The following PSMD2 variants were observed in gnomAD, a reference collection of about 807,000 sequenced individuals.
PSMD2 encodes the protein proteasome 26S subunit ubiquitin receptor, non-ATPase 2.
A neutral mutation model predicts 101.5 loss-of-function variants in PSMD2; 8 were observed. The observed-to-expected ratio is 0.08, with a 90% CI of 0.05 to 0.14. PSMD2 has a LOEUF of 0.14. Ranked by LOEUF, PSMD2 falls within the 10% of genes least tolerant of loss-of-function variation. The pLI is 1.00. For synonymous variants in PSMD2, 418 were observed against 433.8 expected (o/e 0.96, Z 0.45); for missense variants, 784 against 1,147.4 (o/e 0.68, Z 4.58).
rs1280889124 is a variant in PSMD2 at position 184,305,880 on chromosome 3, A to C, written c.1652A>C (p.Lys551Thr). The stretch of plus-strand genomic sequence containing the variant: ...ATGGAGAAGTCAGAGACTGAGCTCA[A>C]GGATACTTATGCTCGTTGGCTTCCT... ...TIMEKSETELKDTYARWLPLG... is the reference protein window; with the variant it reads ...TIMEKSETELTDTYARWLPLG... The change falls in exon 13 of 21, where the codon AAG becomes ACG. Residue 551 changes from lysine to threonine, a missense_variant. Physicochemically the swap from Lys to Thr is moderately conservative, Grantham distance 78. Coordinates refer to ENST00000310118, the MANE Select transcript of PSMD2 (RefSeq NM_002808.5). 3 of 1,614,226 alleles carry C rather than the reference A, an allele frequency of 1.9e-6. No homozygotes were observed. The highest frequency in any genetic ancestry group is 2.5e-6 in the Non-Finnish European group (3 of 1,180,044).
intron 14 of PSMD2, 42 bp from the exon 15 acceptor site, chr3:184,306,308 A>G (rs367584787): frequency 8.1e-6 from 13 of 1,602,474 alleles, no homozygotes; most frequent in African/African-American, 1.4e-5. Flanking sequence ...TTCCTTGGTA[A>G]CTTCTCATTT....
chr3:184,301,697 A>G lies in PSMD2; in HGVS notation c.479+39A>G. On this transcript the variant is annotated intron_variant, in intron 4 of 20. Transcript: ENST00000310118. Reference sequence around the variant, plus strand: ...TCTTGGGAATCCGAAGGGGGCTCTGAGGCTCTGAGATAATTCAGAATTTTC... The same window carrying G: ...TCTTGGGAATCCGAAGGGGGCTCTGGGGCTCTGAGATAATTCAGAATTTTC... The G allele has an allele frequency of 1.9e-6, 3 of 1,612,774 alleles. No homozygotes were observed. In the South Asian group the frequency reaches 3.3e-5, roughly 18 times the overall value.
At chr3:184,300,584 A>G (rs1353596060) in intron 3 of PSMD2, 140 bp downstream of exon 3, 4 of 1,438,244 alleles carry the variant, frequency 2.8e-6, no homozygotes, top group Non-Finnish European at 3.6e-6. Context: ...CACAGTCAAA[A>G]TATCTACAGA....
intron 13 of PSMD2, 32 bp from the exon 14 acceptor site, chr3:184,306,022 G>C (rs1380702791): frequency 6.2e-7 from 1 of 1,613,906 alleles, no homozygotes; most frequent in East Asian, 2.2e-5. Context: ...ATGGAGGCAA[G>C]TATCCTCTGA....
rs754936889 is a variant in PSMD2 at position 184,308,740 on chromosome 3, G to A, written c.2577G>A (p.Pro859=). 6.2e-6 allele frequency: 10 copies of A among 1,614,070 alleles called. No individual in the cohort carries two copies. Among genetic ancestry groups the A allele is most frequent in the Non-Finnish European group, 7.6e-6 (9 of 1,179,924 alleles). ...ATGTGGTGGGCCAGGCTGGCAAGCC[G>A]AAGACTATCACAGGGTTCCAGACGC... The part of the protein sequence containing the change: ...AVDVVGQAGK[P]KTITGFQTHT... Residue 859 remains proline, a synonymous_variant, in exon 21 of 21, where the codon CCG becomes CCA. Coordinates refer to ENST00000310118, the MANE Select transcript of PSMD2 (RefSeq NM_002808.5). This position sits in a 1 kb window ranked among gnomAD's most constrained non-coding sequence, Gnocchi z 6.0.
Position 184,305,779 on chromosome 3 carries a change from C to T in PSMD2, c.1551C>T (p.Val517=). ...DSKSSMEVAG[V]TALACGMIAV... ...TTTCCTACCTCTAGGTGGCAGGTGT[C>T]ACAGCTTTAGCCTGTGGAATGATAG... The change falls in exon 13 of 21, where the codon GTC becomes GTT. Residue 517 remains valine (V), a synonymous_variant. Coordinates refer to ENST00000310118, the MANE Select transcript of PSMD2 (RefSeq NM_002808.5). 6.2e-7 allele frequency: 1 copy of T among 1,613,580 alleles called. No homozygotes were observed. The highest frequency in any genetic ancestry group is 1.1e-5 in the South Asian group (1 of 91,006).
chr3:184,306,963 C>G, intron 16 of PSMD2, 129 bp downstream of exon 16: 2 of 793,602 alleles, frequency 2.5e-6, no homozygotes, highest in Non-Finnish European at 2.0e-6. Context: ...TTTCTTTTTT[C>G]TTTTCTTTTT....
rs762409694 is a variant in PSMD2 at position 184,308,828 on chromosome 3, C to T, written c.2665C>T (p.Pro889Ser). Residue 889 changes from proline to serine, a missense_variant, in exon 21 of 21, where the codon CCT becomes TCT. Pro to Ser is a moderately conservative substitution (Grantham distance 74). Around this residue, in one of 6 missense-constraint regions of PSMD2, gnomAD observed 33 missense variants for 38.2 expected, o/e 0.86. Coordinates refer to ENST00000310118, the MANE Select transcript of PSMD2 (RefSeq NM_002808.5). This position sits in a 1 kb window ranked among gnomAD's most constrained non-coding sequence, Gnocchi z 6.0. Reference sequence around the variant, plus strand: ...AGAATTGGCCACTGAGGAGTTTCTTCCTGTTACCCCCATTCTGGAAGGTTT... The same window carrying T: ...AGAATTGGCCACTGAGGAGTTTCTTTCTGTTACCCCCATTCTGGAAGGTTT... The part of the protein sequence containing the change: ...RAELATEEFL[P>S]VTPILEGFVI... The T allele has an allele frequency of 6.8e-6, 11 of 1,613,188 alleles. No individual in the cohort carries two copies. Among genetic ancestry groups the T allele is most frequent in the African/African-American group, 4.0e-5 (3 of 74,988 alleles).
chr3:184,304,166 T>A lies in PSMD2; in HGVS notation c.1451+92T>A, dbSNP rs767128507. Reference sequence around the variant, plus strand: ...CCTTTTCACCCATATTGCCAAGGGCTACCACTGTGCCTATTGGGTATCTGG... The same window carrying A: ...CCTTTTCACCCATATTGCCAAGGGCAACCACTGTGCCTATTGGGTATCTGG... On this transcript the variant is annotated intron_variant, in intron 11 of 20. Transcript: ENST00000310118. The surrounding 1 kb of genome is among the most constrained non-coding windows in gnomAD (Gnocchi z 4.1). 8.3e-6 allele frequency: 13 copies of A among 1,566,894 alleles called. No homozygotes were observed. The highest frequency in any genetic ancestry group is 1.1e-5 in the Non-Finnish European group (13 of 1,138,100).
chr3:184,304,895 GA>G lies in PSMD2; in HGVS notation c.1539+514del, dbSNP rs202191666. ...ACAGAGTGAGACCCTGTCTTTAAAA[GA>G]AAAAAAAAATTAACATTTTAGTGTT... On this transcript the variant is annotated intron_variant, in intron 12 of 20. Transcript: ENST00000310118. The surrounding 1 kb of genome is among the most constrained non-coding windows in gnomAD (Gnocchi z 4.1). Among the ~76,000 whole-genome samples the G allele has an allele frequency of 8.7e-5, 13 of 149,024 alleles. No individual in the cohort carries two copies. Among genetic ancestry groups the G allele is most frequent in the South Asian group, 4.2e-4 (2 of 4,728 alleles).
In PSMD2 at chr3:184,303,456, C is replaced by T. The variant is rs777032241; in HGVS notation, c.1206C>T (p.Asn402=). Residue 402 remains asparagine (N), a synonymous_variant, in exon 9 of 21, where the codon AAC becomes AAT. Coordinates refer to ENST00000310118, the MANE Select transcript of PSMD2 (RefSeq NM_002808.5). ...TDDGNKWLYK[N]KDHGMLSAAA... is the part of the protein sequence containing the mutation. ...ATGGCAACAAATGGCTTTACAAGAA[C>T]AAGGACCACGGTATAATTCTGTTCC... 8 of 1,613,968 alleles carry T rather than the reference C, an allele frequency of 5.0e-6. No individual in the cohort carries two copies. The Admixed American group carries it at 1.3e-4, about 27-fold the overall frequency.
chr3:184,299,548 C>T, intron 1 of PSMD2, 147 bp downstream of exon 1: 7 of 1,107,990 alleles, frequency 6.3e-6, no homozygotes, highest in Non-Finnish European at 8.4e-6. Flanking sequence ...CACCTTGCCT[C>T]TCTGCTCCTC....
rs765806900 is a variant in PSMD2 at position 184,303,326 on chromosome 3, G to C, written c.1076G>C (p.Gly359Ala). ...CCTCTCCCTCCTGTTGCAGGGTTTG[G>C]GGGCAGTGGCTCTCAGGTGGACTCT... ...YKTHLENNRF[G>A]GSGSQVDSAR... Residue 359 changes from glycine (G) to alanine (A), a missense_variant, in exon 9 of 21, where the codon GGG becomes GCG. By Grantham distance (60) the Gly-to-Ala change is moderately conservative (BLOSUM62 0). This residue lies in a region of PSMD2 where 208 missense variants were observed against 301.6 expected (regional missense o/e 0.69). Transcript: ENST00000310118. The C allele has an allele frequency of 3.7e-6, 6 of 1,612,508 alleles. No homozygotes were observed. The Admixed American group carries it at 1.0e-4, about 27-fold the overall frequency.
intron 8 of PSMD2, 22 bp from the exon 9 acceptor site, chr3:184,303,298 T>C: frequency 1.9e-6 from 3 of 1,604,952 alleles, no homozygotes; most frequent in Non-Finnish European, 2.5e-6. Context: ...TTTCCTTACT[T>C]TTCCTCTCCC....
At chr3:184,303,806 A>T in intron 10 of PSMD2, 57 bp downstream of exon 10, 5 of 1,603,082 alleles carry the variant, frequency 3.1e-6, no homozygotes, top group Non-Finnish European at 3.4e-6. Flanking sequence ...TCTAGTGCCT[A>T]GCAGTGCCTC....
Position 184,308,392 on chromosome 3 carries a change from T to G in PSMD2, c.2426-57T>G, listed in dbSNP as rs542762966. ...CAGCGCTGAGGTGGGCTCTCAATGT[T>G]TCTGGCCAGGCCTGTCTTTTTGTCT... On this transcript the variant is annotated intron_variant, in intron 19 of 20. Transcript: ENST00000310118. This position sits in a 1 kb window ranked among gnomAD's most constrained non-coding sequence, Gnocchi z 6.0. 2.3e-4 allele frequency: 330 copies of G among 1,408,822 alleles called. 5 individuals carry two copies. In the South Asian group the frequency reaches 3.8e-3, roughly 16 times the overall value. The allele number at this position is 1,408,822 out of a possible 1,614,324, so 87.3% of individuals were successfully genotyped here.
chr3:184,299,392 A>C lies in PSMD2; in HGVS notation c.126A>C (p.Glu42Asp). The change falls in exon 1 of 21, where the codon GAA becomes GAC. Residue 42 changes from glutamate to aspartate, a missense_variant. This residue lies in a region of PSMD2 where 196 missense variants were observed against 182.4 expected (regional missense o/e 1.07). Transcript: ENST00000310118. ...GGGATGCCGGGGACAAGGACAAAGA[A>C]CAGGAGCTGGTGAGGCGCGACCCCG... is the stretch of plus-strand genomic sequence containing the variant. The part of the protein sequence containing the change: ...ERRDAGDKDK[E>D]QELSEEDKQL... 7.2e-7 allele frequency: 1 copy of C among 1,388,884 alleles called. No homozygotes were observed. The highest frequency in any genetic ancestry group is 9.3e-7 in the Non-Finnish European group (1 of 1,074,580). 86.0% of individuals were successfully genotyped at this position (1,388,884 alleles called of 1,614,324 possible).
intron 15 of PSMD2, 105 bp downstream of exon 15, chr3:184,306,600 T>C (rs953068387): frequency 3.2e-6 from 5 of 1,542,044 alleles, no homozygotes; most frequent in African/African-American, 2.8e-5. Context: ...GGTATTGCCA[T>C]GTATTGAAAT....
In PSMD2 at chr3:184,307,542, A is replaced by G; in HGVS notation, c.2203+17A>G. 1 of 1,614,208 alleles carries G rather than the reference A, an allele frequency of 6.2e-7. No individual in the cohort carries two copies. The highest frequency in any genetic ancestry group is 8.5e-7 in the Non-Finnish European group (1 of 1,180,020). ...TGGGCAGTGGTGAGTATCCGGCAGA[A>G]GAAGGTCATAAACAGATTGGGGGAA... On this transcript the variant is annotated intron_variant, in intron 17 of 20. Coordinates refer to ENST00000310118, the MANE Select transcript of PSMD2 (RefSeq NM_002808.5).
Sources: allele counts gnomAD v4.1 joint callset (sites outside exome capture counted in the v4.1 genomes callset), GRCh38; gene constraint gnomAD v4.1.1; regional missense constraint gnomAD v4.1.1; non-coding constraint Gnocchi (gnomAD v3.1); transcripts MANE v1.5; gene names NCBI Gene and HGNC (gene_info 2026-07-23, HGNC 2026-07-21).